CNTNAP2: variants seen among roughly 807,000 people sequenced by gnomAD.
CNTNAP2 encodes the protein contactin associated protein 2.
A neutral mutation model predicts 155.2 loss-of-function variants in CNTNAP2; 98 were observed. The ratio of observed to expected loss-of-function variants is 0.63; its 90% CI spans 0.54 to 0.75. The LOEUF (loss-of-function observed/expected upper bound fraction) is 0.75. Among genes scored for constraint, CNTNAP2 ranks in the 30% least tolerant of loss-of-function variants. The pLI is 0.00. For synonymous variants in CNTNAP2, 651 were observed against 631.2 expected (o/e 1.03, Z -0.47); for missense variants, 1,727 against 1,688.1 (o/e 1.02, Z -0.40).
At chr7:147,661,389 C>G (rs1795605784) in intron 13 of CNTNAP2, among the ~76,000 whole-genome samples, 2 of 152,072 alleles carry the variant, frequency 1.3e-5, no homozygotes, top group Non-Finnish European at 2.9e-5. Flanking sequence ...CTCTTTGAGC[C>G]ACAGTCTGTG....
At chr7:147,432,043 C>A (rs190360221) in intron 10 of CNTNAP2, among the ~76,000 whole-genome samples, 1 of 152,164 alleles carries the variant, frequency 6.6e-6, no homozygotes, top group Admixed American at 6.5e-5. Context: ...ATCTGACCTG[C>A]GCCCCTTGTT....
chr7:146,673,762 T>TC (rs1800348762), intron 1 of CNTNAP2, among the ~76,000 whole-genome samples: 1 of 152,156 alleles, frequency 6.6e-6, no homozygotes, highest in Admixed American at 6.5e-5. Context: ...AATTTTTTTT[T>TC]CTAGAGATAG....
intron 1 of CNTNAP2, among the ~76,000 whole-genome samples, chr7:146,321,056 C>T (rs1800991778): frequency 6.7e-6 from 1 of 150,108 alleles, no homozygotes; most frequent in South Asian, 2.1e-4. Flanking sequence ...TAATAATTTT[C>T]AAAAAAATAT....
intron 4 of CNTNAP2, among the ~76,000 whole-genome samples, chr7:147,077,484 C>A (rs975093688): frequency 6.6e-6 from 1 of 152,120 alleles, no homozygotes; most frequent in East Asian, 1.9e-4. Flanking sequence ...CTTAGGTAGA[C>A]GCAAGATCCC....
chr7:147,503,451 G>C (rs933532917), intron 11 of CNTNAP2, among the ~76,000 whole-genome samples: 2 of 151,988 alleles, frequency 1.3e-5, no homozygotes, highest in Non-Finnish European at 2.9e-5. Flanking sequence ...GTGAGCTTTT[G>C]CAGGACTCTC....
rs553458240 is a variant in CNTNAP2, at chr7:146,855,932, A to T, written c.402+16028A>T. 2.5e-4 allele frequency among the ~76,000 whole-genome samples: 38 copies of T among 150,684 alleles called. No homozygotes were observed. In the South Asian group the frequency reaches 7.5e-3, roughly 30 times the overall value. ...CAAAAATATTGCAGTAACACTAAGC[A>T]CACCTAAGATAGACTTTAATTATTA... On this transcript the variant is annotated intron_variant, in intron 3 of 23. Coordinates refer to ENST00000361727, the MANE Select transcript of CNTNAP2 (RefSeq NM_014141.6).
At chr7:147,626,501 C>G (rs1019299342) in intron 12 of CNTNAP2, among the ~76,000 whole-genome samples, 1 of 152,172 alleles carries the variant, frequency 6.6e-6, no homozygotes, top group African/African-American at 2.4e-5. Flanking sequence ...GAGCTCAGAC[C>G]TGCATAACCC....
At chr7:146,984,780 C>T (rs1798087360) in intron 3 of CNTNAP2, among the ~76,000 whole-genome samples, 1 of 152,174 alleles carries the variant, frequency 6.6e-6, no homozygotes, top group South Asian at 2.1e-4. Flanking sequence ...GTCCTTCTGG[C>T]TCTCCCATTG....
At chr7:146,953,085 T>G (rs1050703454) in intron 3 of CNTNAP2, among the ~76,000 whole-genome samples, 2 of 152,048 alleles carry the variant, frequency 1.3e-5, no homozygotes, top group Non-Finnish European at 2.9e-5. Context: ...ATTCTAGCTC[T>G]CAAGGCTGGT....
intron 4 of CNTNAP2, among the ~76,000 whole-genome samples, chr7:147,103,888 G>A (rs1344547011): frequency 6.6e-6 from 1 of 152,010 alleles, no homozygotes; most frequent in African/African-American, 2.4e-5. Context: ...CACCTGGCTG[G>A]TGCTCTTCTA....
At chr7:147,777,476 C>T (rs77926774) in intron 13 of CNTNAP2, among the ~76,000 whole-genome samples, 1,827 of 152,284 alleles carry the variant, frequency 0.012, 47 homozygotes, top group African/African-American at 0.041. Flanking sequence ...CTGAAGAGAG[C>T]AATCCTGGGA....
intron 12 of CNTNAP2, among the ~76,000 whole-genome samples, chr7:147,574,380 C>A (rs1235084609): frequency 2.0e-5 from 3 of 151,978 alleles, no homozygotes; most frequent in Non-Finnish European, 4.4e-5. Context: ...TGACTTGGAG[C>A]TTTACTGTGG....
intron 9 of CNTNAP2, among the ~76,000 whole-genome samples, chr7:147,354,093 C>A (rs1411806402): frequency 6.6e-6 from 1 of 152,010 alleles, no homozygotes; most frequent in Non-Finnish European, 1.5e-5. Context: ...GTTGCCTAGT[C>A]ACTCTGATGA....
intron 1 of CNTNAP2, among the ~76,000 whole-genome samples, chr7:146,717,806 A>G (rs181224699): frequency 6.6e-6 from 1 of 152,194 alleles, no homozygotes; most frequent in Non-Finnish European, 1.5e-5. Context: ...AGCATTTCAT[A>G]AAGTATCCCA....
chr7:146,578,989 G>C (rs1798567573), intron 1 of CNTNAP2, among the ~76,000 whole-genome samples: 1 of 152,052 alleles, frequency 6.6e-6, no homozygotes, highest in Non-Finnish European at 1.5e-5. Flanking sequence ...AATTCCTTGA[G>C]ACTTGGGTCT....
intron 13 of CNTNAP2, among the ~76,000 whole-genome samples, chr7:147,827,393 A>G (rs559275424): frequency 6.6e-6 from 1 of 152,170 alleles, no homozygotes; most frequent in African/African-American, 2.4e-5. Context: ...AGTTGTACAT[A>G]ATAAATGTAA....
chr7:147,472,047 G>T (rs1416184356), intron 10 of CNTNAP2, among the ~76,000 whole-genome samples: 1 of 152,158 alleles, frequency 6.6e-6, no homozygotes, highest in Non-Finnish European at 1.5e-5. Flanking sequence ...TCAGTGTTCA[G>T]TTGACACCTG....
chr7:146,932,916 C>A (rs1796809990), intron 3 of CNTNAP2, among the ~76,000 whole-genome samples: 1 of 152,076 alleles, frequency 6.6e-6, no homozygotes, highest in Non-Finnish European at 1.5e-5. Context: ...AACTACAAAC[C>A]ACTTCTCAAT....
intron 1 of CNTNAP2, among the ~76,000 whole-genome samples, chr7:146,550,403 T>TTTG (rs1798098655): frequency 1.4e-5 from 1 of 72,088 alleles, no homozygotes; most frequent in African/African-American, 3.9e-5. Context: ...ATTAATCTGT[T>TTTG]TTTTTTTTTT....
Sources: gnomAD v4.1 joint callset for allele counts (sites outside exome capture counted in the v4.1 genomes callset) on GRCh38, gnomAD v4.1.1 for gene constraint, MANE v1.5 for transcripts, NCBI Gene and HGNC (gene_info 2026-07-23, HGNC 2026-07-21) for gene names.